ZNF544: variants seen among roughly 807,000 people sequenced by gnomAD.
ZNF544 encodes zinc finger protein AF020591.
In ZNF544, 10 loss-of-function variants were observed where a neutral mutation model predicts 13.5. The observed-to-expected ratio is 0.74, with a 90% CI of 0.46 to 1.25. The LOEUF (loss-of-function observed/expected upper bound fraction) is 1.25, where lower values mean the gene tolerates loss of function less well. ZNF544 is among the 50% of genes most tolerant of loss of function. The pLI is 0.00. For missense variants in ZNF544, 896 were observed against 845.6 expected (o/e 1.06, Z -0.74); for synonymous variants, 323 against 300.5 (o/e 1.07, Z -0.77).
intron 5 of ZNF544, among the ~76,000 whole-genome samples, chr19:58,270,697 C>G (rs2147873203): frequency 6.6e-6 from 1 of 152,318 alleles, no homozygotes; most frequent in South Asian, 2.1e-4. Context: ...ATTCCTGTCA[C>G]TGACAATGTC....
chr19:58,261,002 A>G lies in ZNF544; in HGVS notation c.396A>G (p.Leu132=). Residue 132 remains leucine (L), a synonymous_variant, in exon 7 of 7, where the codon TTA becomes TTG. Coordinates refer to ENST00000687789, the MANE Select transcript of ZNF544 (RefSeq NM_014480.4). ...LGKVQDQSNQ[L]REHQENSLRF... is the part of the protein sequence containing the mutation. ...AAGTGCAAGATCAGAGCAACCAGTT[A>G]AGGGAACACCAGGAGAACTCCTTGA... 6.2e-7 allele frequency: 1 copy of G among 1,614,204 alleles called. No individual in the cohort carries two copies. The highest frequency in any genetic ancestry group is 1.3e-5 in the African/African-American group (1 of 75,044).
intron 6 of ZNF544, chr19:58,251,447 G>C (rs745327664): frequency 6.3e-5 from 32 of 508,372 alleles, no homozygotes; most frequent in East Asian, 2.2e-4. Flanking sequence ...ACCCCAGAAG[G>C]CATGGCCAGT....
At chr19:58,271,104 C>G (rs374828423) in intron 5 of ZNF544, among the ~76,000 whole-genome samples, 11 of 151,366 alleles carry the variant, frequency 7.3e-5, no homozygotes, top group African/African-American at 2.7e-4. Flanking sequence ...CCCAGCTACT[C>G]AGGAGGCTGA....
chr19:58,265,761 T>G (rs138361487), downstream of ZNF544, among the ~76,000 whole-genome samples: 1,175 of 151,722 alleles, frequency 7.7e-3, 13 homozygotes, highest in African/African-American at 0.027. Flanking sequence ...CTGGCTAAAT[T>G]TATTTTTTTA....
Position 58,263,411 on chromosome 19 carries a change from T to A in ZNF544, c.*657T>A. On this transcript the variant is annotated 3_prime_UTR_variant, in exon 7 of 7. Coordinates refer to ENST00000687789, the MANE Select transcript of ZNF544 (RefSeq NM_014480.4). ...GGGAGGCGGTGGTTGCAGTGAGCTG[T>A]GATCATGCCATCACACCGCTGCCTT... 1.0e-6 allele frequency: 1 copy of A among 983,922 alleles called. No homozygotes were observed. Among genetic ancestry groups the A allele is most frequent in the Non-Finnish European group, 1.2e-6 (1 of 828,902 alleles). The allele number at this position is 983,922 out of a possible 1,614,324, so 60.9% of individuals were successfully genotyped here.
intron 4 of ZNF544, among the ~76,000 whole-genome samples, chr19:58,244,589 T>G (rs990139156): frequency 1.3e-5 from 2 of 152,054 alleles, no homozygotes; most frequent in Admixed American, 6.6e-5. Flanking sequence ...CTTATTTTAT[T>G]TTTTGACGTA....
In ZNF544 at chr19:58,263,038, A is replaced by C. The variant is rs2049324231; in HGVS notation, c.*284A>C. The C allele has an allele frequency of 2.0e-5, 23 of 1,161,316 alleles. 1 individual carries two copies. The South Asian group carries it at 6.6e-4, about 33-fold the overall frequency. 71.9% of individuals were successfully genotyped at this position (1,161,316 alleles called of 1,614,324 possible). A position where few individuals can be genotyped will look rare whatever the true frequency, so the allele number is the denominator to read the frequency against. ...AGAAAGCCTTTAGCCAACGGTGTCA[A>C]CTTACTAGGCAGCAGAGAATTCATA... On this transcript the variant is annotated 3_prime_UTR_variant, in exon 7 of 7. Coordinates refer to ENST00000687789, the MANE Select transcript of ZNF544 (RefSeq NM_014480.4).
intron 6 of ZNF544, among the ~76,000 whole-genome samples, chr19:58,252,234 T>G (rs1441311867): frequency 6.6e-6 from 1 of 152,212 alleles, no homozygotes; most frequent in Non-Finnish European, 1.5e-5. Flanking sequence ...CCCTCCAAAC[T>G]TTGGCAAGAA....
intron 3 of ZNF544, among the ~76,000 whole-genome samples, chr19:58,238,609 T>C (rs1043553961): frequency 1.3e-5 from 2 of 151,660 alleles, no homozygotes; most frequent in Non-Finnish European, 2.9e-5. Context: ...GGCAGAGGAG[T>C]GCGTACGTGA....
intron 6 of ZNF544, chr19:58,277,144 T>A: frequency 8.1e-7 from 1 of 1,229,134 alleles, no homozygotes; most frequent in Non-Finnish European, 1.0e-6. Flanking sequence ...TGTCCTCTCA[T>A]AATTTTGTGT....
At chr19:58,251,726 A>C (rs1292552289) in intron 6 of ZNF544, among the ~76,000 whole-genome samples, 1 of 152,166 alleles carries the variant, frequency 6.6e-6, no homozygotes, top group Non-Finnish European at 1.5e-5. Context: ...GGCTCATAAT[A>C]ATTTTTTCTC....
chr19:58,248,038 CAACT>C (rs902638998), intron 6 of ZNF544, among the ~76,000 whole-genome samples: 1 of 151,986 alleles, frequency 6.6e-6, no homozygotes, highest in Admixed American at 6.6e-5. Flanking sequence ...CTCAACCTCC[CAACT>C]AACTGGGACT....
intron 3 of ZNF544, 145 bp from the exon 4 acceptor site, chr19:58,243,820 G>A: frequency 1.8e-6 from 1 of 544,772 alleles, no homozygotes; most frequent in South Asian, 3.1e-5. Flanking sequence ...CCGAGCCTGA[G>A]GTAGCCCAGG....
chr19:58,256,635 T>A (rs1222160262), intron 6 of ZNF544, among the ~76,000 whole-genome samples: 2 of 152,200 alleles, frequency 1.3e-5, no homozygotes, highest in African/African-American at 2.4e-5. Flanking sequence ...GGACACAAAC[T>A]CAAGGTTTTC....
rs140178449 is a variant in ZNF544, at chr19:58,237,187, C to T, written c.-60+6725C>T. Among the ~76,000 whole-genome samples the T allele has an allele frequency of 4.5e-3, 684 of 152,088 alleles. 8 individuals are homozygous for T. Among genetic ancestry groups the T allele is most frequent in the African/African-American group, 0.016 (651 of 41,470 alleles). ...CCAGCAATCTTCCCGCCTCAGCCTCCCAGGTAGCTGGGACTACAGGTGTGC... is the reference window on the plus strand; with the variant it reads ...CCAGCAATCTTCCCGCCTCAGCCTCTCAGGTAGCTGGGACTACAGGTGTGC... On this transcript the variant is annotated intron_variant, in intron 3 of 6. Coordinates refer to ENST00000687789, the MANE Select transcript of ZNF544 (RefSeq NM_014480.4).
At chr19:58,241,620 C>T (rs1286518092) in intron 3 of ZNF544, among the ~76,000 whole-genome samples, 2 of 151,948 alleles carry the variant, frequency 1.3e-5, no homozygotes, top group East Asian at 3.9e-4. Context: ...CTTCGGCCTC[C>T]TGAGTAGCTG....
At chr19:58,246,689 T>G in intron 5 of ZNF544, 22 bp from the exon 6 acceptor site, 1 of 1,613,290 alleles carries the variant, frequency 6.2e-7, no homozygotes, top group Non-Finnish European at 8.5e-7. Flanking sequence ...GAGGGGCAAG[T>G]CCTTTTTCCG....
intron 5 of ZNF544, among the ~76,000 whole-genome samples, chr19:58,273,423 G>A (rs545141132): frequency 1.3e-5 from 2 of 152,234 alleles, no homozygotes; most frequent in African/African-American, 2.4e-5. Context: ...GGGAACGATG[G>A]CTCACGCCTG....
At chr19:58,277,190 G>T in exon 7 of ZNF544, 1 of 1,231,608 alleles carries the variant, frequency 8.1e-7, no homozygotes, top group Non-Finnish European at 1.0e-6. Flanking sequence ...CAGGAACGAG[G>T]CCCAGCAAAA....
Sources: gnomAD v4.1 joint callset for allele counts (sites outside exome capture counted in the v4.1 genomes callset) on GRCh38, gnomAD v4.1.1 for gene constraint, MANE v1.5 for transcripts, NCBI Gene and HGNC (gene_info 2026-07-23, HGNC 2026-07-21) for gene names.